MCC: variants seen among roughly 807,000 people sequenced by gnomAD.
MCC encodes the protein colorectal mutant cancer protein.
MCC carries 90 observed loss-of-function variants against 116.2 expected under a neutral mutation model. The ratio of observed to expected loss-of-function variants is 0.77; its 90% CI spans 0.65 to 0.92. MCC has a LOEUF of 0.92. Among genes scored for constraint, MCC ranks in the 40% least tolerant of loss-of-function variants. MCC has a pLI of 0.00. For synonymous variants in MCC, 578 were observed against 510.5 expected, an observed-to-expected ratio of 1.13 and a Z score of -1.78; for missense variants, 1,516 against 1,312.2, an observed-to-expected ratio of 1.16 and a Z score of -2.40.
intron 1 of MCC, among the ~76,000 whole-genome samples, chr5:113,422,938 T>C (rs954479925): frequency 5.3e-5 from 8 of 152,340 alleles, no homozygotes; most frequent in African/African-American, 1.9e-4. Context: ...GAGATCCCCA[T>C]GACTCATGGA....
intron 2 of MCC, among the ~76,000 whole-genome samples, chr5:113,351,119 C>A (rs1374685063): frequency 6.6e-6 from 1 of 152,002 alleles, no homozygotes; most frequent in African/African-American, 2.4e-5. Context: ...CTATGGAGAA[C>A]CATTTGGAGG....
intron 11 of MCC, among the ~76,000 whole-genome samples, chr5:113,077,392 C>T (rs531578681): frequency 1.3e-5 from 2 of 152,260 alleles, no homozygotes; most frequent in Admixed American, 1.3e-4. Flanking sequence ...CCAAAATTGA[C>T]CGTGTAGTTA....
chr5:113,407,823 G>A (rs912632719), intron 1 of MCC, among the ~76,000 whole-genome samples: 3 of 148,094 alleles, frequency 2.0e-5, no homozygotes, highest in African/African-American at 7.3e-5. Flanking sequence ...AGGAGCCCCT[G>A]TGTGTGTTGT....
At chr5:113,480,879 A>C (rs559061901) in intron 1 of MCC, among the ~76,000 whole-genome samples, 2 of 152,198 alleles carry the variant, frequency 1.3e-5, no homozygotes, top group South Asian at 4.1e-4. Flanking sequence ...GGCTCAACTG[A>C]TCCTCCCTCC....
intron 17 of MCC, 117 bp from the exon 18 acceptor site, chr5:113,029,173 G>T: frequency 2.0e-6 from 2 of 1,002,216 alleles, no homozygotes; most frequent in East Asian, 2.7e-5. Context: ...CTAAAGGCAA[G>T]GGAGAGAAAA....
chr5:113,423,276 A>T (rs973484567), intron 1 of MCC, among the ~76,000 whole-genome samples: 2 of 152,194 alleles, frequency 1.3e-5, no homozygotes, highest in Non-Finnish European at 2.9e-5. Context: ...TGCAAAGAAT[A>T]TACATGTTAG....
intron 2 of MCC, among the ~76,000 whole-genome samples, chr5:113,348,066 T>C (rs1291710761): frequency 6.6e-6 from 1 of 151,968 alleles, no homozygotes; most frequent in African/African-American, 2.4e-5. Context: ...CCCAGATATA[T>C]AAATATTATT....
chr5:113,172,200 A>T (rs1359385379), intron 3 of MCC, among the ~76,000 whole-genome samples: 1 of 152,206 alleles, frequency 6.6e-6, no homozygotes, highest in African/African-American at 2.4e-5. Flanking sequence ...ATCAAGTCTC[A>T]CTGGATCACT....
At chr5:113,408,104 T>C (rs1261308263) in intron 1 of MCC, among the ~76,000 whole-genome samples, 2 of 152,132 alleles carry the variant, frequency 1.3e-5, no homozygotes, top group Admixed American at 6.5e-5. Flanking sequence ...TCAAATCATC[T>C]GAAAGGTAGA....
chr5:113,069,324 G>A (rs911211597), intron 12 of MCC, among the ~76,000 whole-genome samples: 4 of 152,236 alleles, frequency 2.6e-5, no homozygotes, highest in African/African-American at 9.6e-5. Context: ...ACTCTTCTTT[G>A]TGCCCAACAT....
rs1770783166 is a variant in MCC, at chr5:113,434,464, AC to A, written c.171-49253del. 2 of 1,613,666 alleles carry A rather than the reference AC, an allele frequency of 1.2e-6. No homozygotes were observed. Among genetic ancestry groups the A allele is most frequent in the Non-Finnish European group, 1.7e-6 (2 of 1,179,858 alleles). ...TGGACGACGTCCAGGTCGTGGCAGT[AC>A]TTGATGGCCAAGGAAAGCTGGTGGA... On this transcript the variant is annotated intron_variant, in intron 1 of 18. Transcript: ENST00000408903. The surrounding 1 kb of genome is among the most constrained non-coding windows in gnomAD (Gnocchi z 4.2).
intron 3 of MCC, among the ~76,000 whole-genome samples, chr5:113,197,294 CAAAG>C (rs778218409): frequency 2.0e-5 from 3 of 151,814 alleles, no homozygotes; most frequent in East Asian, 1.9e-4. Flanking sequence ...AATAGGCAAA[CAAAG>C]AGAGAGGAGA....
chr5:113,455,244 C>T (rs915437176), intron 1 of MCC, among the ~76,000 whole-genome samples: 35 of 152,214 alleles, frequency 2.3e-4, no homozygotes, highest in African/African-American at 7.5e-4. Context: ...TGGCCGGCTC[C>T]AGGTCCCTTC....
intron 3 of MCC, among the ~76,000 whole-genome samples, chr5:113,322,021 G>A (rs1191189476): frequency 3.3e-5 from 5 of 152,168 alleles, no homozygotes; most frequent in African/African-American, 9.6e-5. Context: ...TACTAGAGAC[G>A]GAGTTTCACC....
At chr5:113,042,380 T>G (rs1580904280) in intron 17 of MCC, among the ~76,000 whole-genome samples, 1 of 130,414 alleles carries the variant, frequency 7.7e-6, no homozygotes, top group African/African-American at 3.0e-5. Context: ...GAGGCTGGGG[T>G]GGGAGGATCA....
At chr5:113,373,980 T>G (rs1189786533) in intron 2 of MCC, among the ~76,000 whole-genome samples, 8 of 151,622 alleles carry the variant, frequency 5.3e-5, no homozygotes, top group African/African-American at 1.7e-4. Context: ...CAGCTCAACC[T>G]CCACCTCCCA....
intron 3 of MCC, among the ~76,000 whole-genome samples, chr5:113,216,612 T>A (rs1411718020): frequency 6.6e-6 from 1 of 152,236 alleles, no homozygotes; most frequent in Non-Finnish European, 1.5e-5. Context: ...AAGGTATTTT[T>A]AAAATAACTA....
chr5:113,033,879 C>T lies in MCC; in HGVS notation c.2757-4823G>A, dbSNP rs576175105. ...TGATAAAAGGTCGTATGACTCTAAC[C>T]GCAGAGCCAGGGTGGGACTTTTAAG... On this transcript the variant is annotated intron_variant, in intron 17 of 18. Coordinates refer to ENST00000408903, the MANE Select transcript of MCC (RefSeq NM_001085377.2). 7.0e-4 allele frequency among the ~76,000 whole-genome samples: 106 copies of T among 152,160 alleles called. 1 individual carries two copies. The highest frequency in any genetic ancestry group is 1.2e-3 in the Non-Finnish European group (79 of 68,006).
At chr5:113,075,388 G>A (rs1035251627) in intron 11 of MCC, among the ~76,000 whole-genome samples, 1 of 152,162 alleles carries the variant, frequency 6.6e-6, no homozygotes, top group African/African-American at 2.4e-5. Context: ...GAGGTGCCCA[G>A]TCCCATCGAC....
Sources: gnomAD v4.1 joint callset for allele counts (sites outside exome capture counted in the v4.1 genomes callset) on GRCh38, gnomAD v4.1.1 for gene constraint, Gnocchi (gnomAD v3.1) non-coding constraint, MANE v1.5 for transcripts, NCBI Gene and HGNC (gene_info 2026-07-23, HGNC 2026-07-21) for gene names.